Variants in SRC observed in about 807,000 individuals in gnomAD.
SRC encodes the protein proto-oncogene tyrosine-protein kinase Src.
SRC carries 13 observed loss-of-function variants against 62.9 expected under a neutral mutation model. That is an observed-to-expected ratio of 0.21 (90% CI 0.13 to 0.33). SRC has a LOEUF of 0.33. Ranked by LOEUF, SRC falls within the 10% of genes least tolerant of loss-of-function variation. SRC has a pLI of 1.00. For missense variants in SRC, 457 were observed against 737.3 expected, an observed-to-expected ratio of 0.62 and a Z score of 4.40; for synonymous variants, 302 against 317.5, an observed-to-expected ratio of 0.95 and a Z score of 0.52.
intron 1 of SRC, among the ~76,000 whole-genome samples, chr20:37,361,077 G>A (rs1478620185): frequency 1.3e-5 from 2 of 151,974 alleles, no homozygotes; most frequent in African/African-American, 2.4e-5. Context: ...TGGTCAGGCC[G>A]AAAGGGTACA....
At chr20:37,386,834 A>G (rs2070463427) in intron 5 of SRC, among the ~76,000 whole-genome samples, 1 of 152,240 alleles carries the variant, frequency 6.6e-6, no homozygotes, top group South Asian at 2.1e-4. Flanking sequence ...GTCCCCCTGG[A>G]GCCAGCATGT....
intron 2 of SRC, among the ~76,000 whole-genome samples, chr20:37,368,531 T>TTTTG (rs1568625221): frequency 8.1e-5 from 10 of 123,808 alleles, no homozygotes; most frequent in African/African-American, 3.7e-4. Flanking sequence ...TTTTTTTTTT[T>TTTTG]TTTTTTTTTT....
In SRC at chr20:37,384,284, C is replaced by G. The variant is rs1420527845; in HGVS notation, c.131C>G (p.Ala44Gly). ...CAGACCCCCAGCAAGCCAGCCTCGGCCGACGGCCACCGCGGCCCCAGCGCG... is the reference window on the plus strand; with the variant it reads ...CAGACCCCCAGCAAGCCAGCCTCGGGCGACGGCCACCGCGGCCCCAGCGCG... ...ASQTPSKPASADGHRGPSAAF... is the reference protein window; with the variant it reads ...ASQTPSKPASGDGHRGPSAAF... The change falls in exon 4 of 14, where the codon GCC (alanine) becomes GGC (glycine). Residue 44 changes from alanine to glycine, a missense_variant. Physicochemically the swap from Ala to Gly is moderately conservative, Grantham distance 60 (BLOSUM62 0). Around this residue, in one of 4 missense-constraint regions of SRC, gnomAD observed 132 missense variants for 135.4 expected, o/e 0.98. Transcript: ENST00000373578. This position sits in a 1 kb window ranked among gnomAD's most constrained non-coding sequence, Gnocchi z 6.7. The G allele has an allele frequency of 6.6e-7, 1 of 1,507,008 alleles. No individual in the cohort carries two copies. Among genetic ancestry groups the G allele is most frequent in the South Asian group, 1.2e-5 (1 of 80,926 alleles). 93.4% of individuals were successfully genotyped at this position (1,507,008 alleles called of 1,614,324 possible). A position where few individuals can be genotyped will look rare whatever the true frequency, so the allele number is the denominator to read the frequency against.
At chr20:37,395,790 C>T (rs1467964827) in intron 7 of SRC, among the ~76,000 whole-genome samples, 1 of 152,210 alleles carries the variant, frequency 6.6e-6, no homozygotes, top group Non-Finnish European at 1.5e-5. Context: ...GTGTGCCGGG[C>T]CCTTCTATAT....
Position 37,391,008 on chromosome 20 carries a change from C to T in SRC, c.351-2887C>T, listed in dbSNP as rs376737024. Among the ~76,000 whole-genome samples, 8 of 152,344 alleles carry T rather than the reference C, an allele frequency of 5.3e-5. No individual in the cohort carries two copies. In the East Asian group the frequency reaches 1.5e-3, roughly 29 times the overall value. Reference sequence around the variant, plus strand: ...AACCCCAGGCTCACAGGTGGGCTGACTCTGGGGAGCTGGGAGCCCTGCTCG... The same window carrying T: ...AACCCCAGGCTCACAGGTGGGCTGATTCTGGGGAGCTGGGAGCCCTGCTCG... On this transcript the variant is annotated intron_variant, in intron 5 of 13. Coordinates refer to ENST00000373578, the MANE Select transcript of SRC (RefSeq NM_198291.3).
In SRC at chr20:37,379,722, CA is replaced by C. The variant is rs1240730350; in HGVS notation, c.-172-2885del. Reference sequence around the variant, plus strand: ...CTGGGCGACAGAGGAGACTCTGTCTCAAAAAAAAAAAATAATAATAATAATT... The same window carrying C: ...CTGGGCGACAGAGGAGACTCTGTCTCAAAAAAAAAAATAATAATAATAATT... On this transcript the variant is annotated intron_variant, in intron 2 of 13. Transcript: ENST00000373578. Among the ~76,000 whole-genome samples, 592 of 128,978 alleles carry C rather than the reference CA, an allele frequency of 4.6e-3. 5 individuals are homozygous for C. The highest frequency in any genetic ancestry group is 0.013 in the African/African-American group (457 of 34,106). 84.6% of individuals were successfully genotyped at this position (128,978 alleles called of 152,430 possible).
chr20:37,372,124 A>G (rs905079211), intron 2 of SRC, among the ~76,000 whole-genome samples: 2 of 152,070 alleles, frequency 1.3e-5, no homozygotes, highest in Non-Finnish European at 2.9e-5. Flanking sequence ...CAGCCTCCCG[A>G]GTAGCTGGGA....
At position 37,401,674 on chromosome 20, in the gene SRC, C is replaced by T; in HGVS notation, c.1112C>T (p.Ala371Val). The change falls in exon 11 of 14, where the codon GCT (alanine) becomes GTT (valine). Residue 371 changes from alanine to valine, a missense_variant. This residue lies in a region of SRC where 168 missense variants were observed against 357.8 expected (regional missense o/e 0.47). Transcript: ENST00000373578. ...CTGCCTCAGCTGGTGGACATGGCTG[C>T]TCAGGTGAGTCAGCCCCTCCCGCCT... ...LRLPQLVDMAAQIASGMAYVE... is the reference protein window; with the variant it reads ...LRLPQLVDMAVQIASGMAYVE... 6.2e-7 allele frequency: 1 copy of T among 1,608,118 alleles called. No homozygotes were observed. Among genetic ancestry groups the T allele is most frequent in the Non-Finnish European group, 8.5e-7 (1 of 1,177,136 alleles).
At chr20:37,375,677 CT>C (rs763990828) in intron 2 of SRC, among the ~76,000 whole-genome samples, 1 of 152,172 alleles carries the variant, frequency 6.6e-6, no homozygotes, top group East Asian at 1.9e-4. Context: ...ACCCAACCCT[CT>C]TTTTCTAAGC....
At chr20:37,365,787 T>C (rs2070054694) in intron 2 of SRC, among the ~76,000 whole-genome samples, 1 of 152,176 alleles carries the variant, frequency 6.6e-6, no homozygotes, top group South Asian at 2.1e-4. Flanking sequence ...TCTCACTATG[T>C]TGCCTAGGCT....
intron 1 of SRC, among the ~76,000 whole-genome samples, chr20:37,363,223 C>G (rs2070004594): frequency 6.6e-6 from 1 of 152,206 alleles, no homozygotes; most frequent in Admixed American, 6.5e-5. Flanking sequence ...AGCTTCCTGG[C>G]CCTGCTCTCA....
chr20:37,348,514 C>T (rs1330606665), intron 1 of SRC, among the ~76,000 whole-genome samples: 2 of 152,136 alleles, frequency 1.3e-5, no homozygotes, highest in Non-Finnish European at 2.9e-5. Flanking sequence ...CTGGGGTTAG[C>T]AGGGAGTGGG....
At chr20:37,363,543 C>T (rs552616195) in intron 1 of SRC, among the ~76,000 whole-genome samples, 10 of 152,318 alleles carry the variant, frequency 6.6e-5, no homozygotes, top group African/African-American at 2.4e-4. Context: ...CTCCTGGGGC[C>T]CCTGTGGCCT....
chr20:37,400,074 T>TG (rs751187905), intron 9 of SRC, 41 bp from the exon 10 acceptor site: 7 of 1,544,310 alleles, frequency 4.5e-6, no homozygotes, highest in South Asian at 3.7e-5. Context: ...TGGTAGGAGT[T>TG]GGGGGGCTCC....
Position 37,403,760 on chromosome 20 carries a change from A to C in SRC, c.*381A>C, listed in dbSNP as rs1601026378. The C allele has an allele frequency of 5.7e-5, 16 of 281,136 alleles. No individual in the cohort carries two copies. Among genetic ancestry groups the C allele is most frequent in the South Asian group, 2.2e-4 (2 of 9,296 alleles). 17.4% of individuals were successfully genotyped at this position (281,136 alleles called of 1,614,324 possible). ...TGAACTCCTTCCCCACTTCTGTGCCACCCCCGGTCTATGTCGAGAGCTGGC... is the reference window on the plus strand; with the variant it reads ...TGAACTCCTTCCCCACTTCTGTGCCCCCCCCGGTCTATGTCGAGAGCTGGC... On this transcript the variant is annotated 3_prime_UTR_variant, in exon 14 of 14. Coordinates refer to ENST00000373578, the MANE Select transcript of SRC (RefSeq NM_198291.3). The surrounding 1 kb of genome is among the most constrained non-coding windows in gnomAD (Gnocchi z 7.1).
rs370777546 is a variant in SRC, at chr20:37,393,853, C to T, written c.351-42C>T. 5.0e-5 allele frequency: 75 copies of T among 1,491,346 alleles called. No individual in the cohort carries two copies. The South Asian group carries it at 5.7e-4, about 11-fold the overall frequency. The allele number at this position is 1,491,346 out of a possible 1,614,324, so 92.4% of individuals were successfully genotyped here. Reference sequence around the variant, plus strand: ...TGGTGGGCACCGGGCTTGTGGCTGACGGCTCCCTTCTCCTTTCCTCCCTCC... The same window carrying T: ...TGGTGGGCACCGGGCTTGTGGCTGATGGCTCCCTTCTCCTTTCCTCCCTCC... On this transcript the variant is annotated intron_variant, in intron 5 of 13. Coordinates refer to ENST00000373578, the MANE Select transcript of SRC (RefSeq NM_198291.3).
chr20:37,395,757 C>G (rs1383969190), intron 7 of SRC, among the ~76,000 whole-genome samples: 1 of 152,220 alleles, frequency 6.6e-6, no homozygotes, highest in East Asian at 1.9e-4. Flanking sequence ...TCACAGGCTC[C>G]CAGCAGTTAT....
chr20:37,354,037 G>A (rs750597455), intron 1 of SRC, among the ~76,000 whole-genome samples: 2 of 152,160 alleles, frequency 1.3e-5, no homozygotes, highest in Non-Finnish European at 2.9e-5. Flanking sequence ...GTAAGTGCTC[G>A]GTGCGTGTTA....
At chr20:37,355,650 G>T (rs1309191607) in intron 1 of SRC, among the ~76,000 whole-genome samples, 5 of 152,224 alleles carry the variant, frequency 3.3e-5, no homozygotes, top group African/African-American at 4.8e-5. Context: ...GGCACGATGG[G>T]GTAGGGGCCA....
Sources: gnomAD v4.1 joint callset for allele counts (sites outside exome capture counted in the v4.1 genomes callset) on GRCh38, gnomAD v4.1.1 for gene constraint, gnomAD v4.1.1 regional missense constraint, Gnocchi (gnomAD v3.1) non-coding constraint, MANE v1.5 for transcripts, NCBI Gene and HGNC (gene_info 2026-07-23, HGNC 2026-07-21) for gene names.